CYB5R4: variants seen among roughly 807,000 people sequenced by gnomAD.
The protein encoded by CYB5R4 is cytochrome b5 reductase 4.
Under a neutral mutation model 70.2 loss-of-function variants are expected in CYB5R4, and 55 were observed. The ratio of observed to expected loss-of-function variants is 0.78; its 90% confidence interval spans 0.63 to 0.98. CYB5R4 has a LOEUF of 0.98. CYB5R4 is among the 50% of genes least tolerant of loss of function. CYB5R4 has a pLI of 0.00. For missense variants in CYB5R4, 562 were observed against 612.6 expected (o/e 0.92, Z 0.87); for synonymous variants, 197 against 199.5 (o/e 0.99, Z 0.11).
intron 5 of CYB5R4, among the ~76,000 whole-genome samples, chr6:83,917,122 C>T (rs141511636): frequency 1.6e-4 from 25 of 152,138 alleles, no homozygotes; most frequent in African/African-American, 6.0e-4. Context: ...AAAACCATAG[C>T]ATTAGTGGGC....
intron 2 of CYB5R4, among the ~76,000 whole-genome samples, chr6:83,869,691 A>G (rs534949234): frequency 5.9e-5 from 9 of 152,116 alleles, no homozygotes; most frequent in East Asian, 3.9e-4. Flanking sequence ...TTAGCTGGGC[A>G]TAGTGGCACA....
chr6:83,904,762 C>G (rs1217188328), intron 3 of CYB5R4, among the ~76,000 whole-genome samples: 1 of 152,080 alleles, frequency 6.6e-6, no homozygotes, highest in African/African-American at 2.4e-5. Flanking sequence ...TTTTTCATGA[C>G]GTCTATCACT....
chr6:83,860,669 C>T (rs777738027), intron 1 of CYB5R4, among the ~76,000 whole-genome samples: 58 of 152,142 alleles, frequency 3.8e-4, no homozygotes, highest in Non-Finnish European at 5.7e-4. Flanking sequence ...TTGGGCCACT[C>T]GGTTAACTCT....
intron 2 of CYB5R4, among the ~76,000 whole-genome samples, chr6:83,871,694 TCTTTA>T (rs1468653056): frequency 1.3e-5 from 2 of 152,196 alleles, no homozygotes; most frequent in Non-Finnish European, 2.9e-5. Context: ...TTAAATTTTC[TCTTTA>T]CTTTTGTGTC....
chr6:83,896,958 G>A (rs1433747011), intron 3 of CYB5R4, among the ~76,000 whole-genome samples: 4 of 151,230 alleles, frequency 2.6e-5, no homozygotes, highest in African/African-American at 2.4e-5. Flanking sequence ...TGTGCACAAT[G>A]TGCAGGTTTG....
chr6:83,957,121 TAAA>T, intron 15 of CYB5R4, among the ~76,000 whole-genome samples: 1 of 152,056 alleles, frequency 6.6e-6, no homozygotes, highest in African/African-American at 2.4e-5. Flanking sequence ...TCTCTCAACT[TAAA>T]AAGATTTTTC....
intron 2 of CYB5R4, among the ~76,000 whole-genome samples, chr6:83,883,917 A>G (rs2099459843): frequency 6.6e-6 from 1 of 152,044 alleles, no homozygotes; most frequent in Admixed American, 6.6e-5. Context: ...TTGAGGATAT[A>G]TACTACAGTT....
chr6:83,920,425 A>T (rs11963677), intron 7 of CYB5R4, among the ~76,000 whole-genome samples: 2,810 of 152,170 alleles, frequency 0.018, 82 homozygotes, highest in African/African-American at 0.063. Context: ...TTCATCACAC[A>T]GTTCAAAACC....
At chr6:83,948,725 A>G (rs2099471057) in intron 14 of CYB5R4, among the ~76,000 whole-genome samples, 2 of 152,202 alleles carry the variant, frequency 1.3e-5, no homozygotes, top group Non-Finnish European at 2.9e-5. Context: ...GTCTCTGAAC[A>G]TAAAGTATCT....
rs138504626 is a variant in CYB5R4, at chr6:83,955,281, G to A, written c.1347-17G>A. ...TTAAAATAATAAACTTTAAAAAGCT[G>A]TTTTTCTTTTCCCTAGACTGGATGT... On this transcript the variant is annotated splice_polypyrimidine_tract_variant and intron_variant, in intron 14 of 15. Transcript: ENST00000369681. The A allele has an allele frequency of 1.9e-6, 3 of 1,572,668 alleles. No homozygotes were observed. The highest frequency in any genetic ancestry group is 2.3e-5 in the East Asian group (1 of 44,320).
chr6:83,884,976 G>A (rs1384010056), intron 2 of CYB5R4, among the ~76,000 whole-genome samples: 1 of 151,968 alleles, frequency 6.6e-6, no homozygotes, highest in Non-Finnish European at 1.5e-5. Flanking sequence ...CAAACTTTTT[G>A]GTCTTAAAAT....
chr6:83,941,162 A>G (rs1012825728), intron 14 of CYB5R4, among the ~76,000 whole-genome samples: 1 of 152,188 alleles, frequency 6.6e-6, no homozygotes, highest in Non-Finnish European at 1.5e-5. Context: ...CAGATAATAG[A>G]AAAAAGTTCT....
At chr6:83,943,395 C>T (rs1032677289) in intron 14 of CYB5R4, among the ~76,000 whole-genome samples, 6 of 151,838 alleles carry the variant, frequency 4.0e-5, no homozygotes, top group African/African-American at 1.2e-4. Flanking sequence ...GGTAAACTAA[C>T]AAACAGAAAG....
intron 2 of CYB5R4, among the ~76,000 whole-genome samples, chr6:83,887,594 T>C (rs2099460454): frequency 6.6e-6 from 1 of 152,198 alleles, no homozygotes; most frequent in South Asian, 2.1e-4. Flanking sequence ...CCCCTAATAT[T>C]GCTAGGGCAT....
chr6:83,919,807 A>T (rs770112530), intron 7 of CYB5R4, among the ~76,000 whole-genome samples: 18 of 148,628 alleles, frequency 1.2e-4, no homozygotes, highest in Non-Finnish European at 2.4e-4. Flanking sequence ...TGTGTAAAGC[A>T]TGGATAACAA....
At chr6:83,899,808 G>C (rs944985261) in intron 3 of CYB5R4, among the ~76,000 whole-genome samples, 9 of 152,092 alleles carry the variant, frequency 5.9e-5, no homozygotes, top group African/African-American at 1.7e-4. Flanking sequence ...GATCAGTGGT[G>C]ATATCCCCTT....
chr6:83,909,411 G>A (rs1054615459), intron 4 of CYB5R4, among the ~76,000 whole-genome samples: 2 of 152,126 alleles, frequency 1.3e-5, no homozygotes, highest in African/African-American at 4.8e-5. Context: ...AATACAAAAA[G>A]TTATACAGTG....
At chr6:83,942,703 A>C (rs920541811) in intron 14 of CYB5R4, among the ~76,000 whole-genome samples, 1 of 152,182 alleles carries the variant, frequency 6.6e-6, no homozygotes, top group African/African-American at 2.4e-5. Context: ...CAGCAAGCTA[A>C]AATCCACTGG....
intron 3 of CYB5R4, among the ~76,000 whole-genome samples, chr6:83,897,143 G>C (rs950199721): frequency 1.3e-5 from 2 of 150,654 alleles, no homozygotes; most frequent in Non-Finnish European, 2.9e-5. Flanking sequence ...TCCCACCTAT[G>C]AGTGAGAACA....
Sources: allele counts gnomAD v4.1 joint callset (sites outside exome capture counted in the v4.1 genomes callset), GRCh38; gene constraint gnomAD v4.1.1; transcripts MANE v1.5; gene names NCBI Gene and HGNC (gene_info 2026-07-23, HGNC 2026-07-21).